Variants in BMAL1 observed in about 807,000 individuals in gnomAD.
BMAL1 encodes the protein basic helix-loop-helix ARNT-like protein 1.
the BMAL1 span, chr11:13,386,823 G>A: frequency 6.4e-7 from 1 of 1,561,492 alleles, no homozygotes; most frequent in African/African-American, 1.4e-5. Flanking sequence ...TTTACAGTCT[G>A]TGAAGCTTAC....
the BMAL1 span, among the ~76,000 whole-genome samples, chr11:13,317,656 T>C: frequency 3.3e-5 from 5 of 152,248 alleles, no homozygotes; most frequent in African/African-American, 1.2e-4. Flanking sequence ...TATAGCTAAA[T>C]AAATATAAAC....
the BMAL1 span, among the ~76,000 whole-genome samples, chr11:13,361,193 T>C: frequency 6.6e-6 from 1 of 152,124 alleles, no homozygotes; most frequent in African/African-American, 2.4e-5. Flanking sequence ...ACTTGAGTGC[T>C]CTCTCTGTCT....
chr11:13,311,331 C>T, the BMAL1 span, among the ~76,000 whole-genome samples: 7 of 151,954 alleles, frequency 4.6e-5, no homozygotes, highest in Admixed American at 6.6e-5. Flanking sequence ...AACTGTGGGA[C>T]GGGAAGACGA....
the BMAL1 span, chr11:13,376,679 G>C: frequency 6.2e-7 from 1 of 1,614,086 alleles, no homozygotes; most frequent in Non-Finnish European, 8.5e-7. Flanking sequence ...CCTTCCCACA[G>C]CTCACAGCAT....
the BMAL1 span, among the ~76,000 whole-genome samples, chr11:13,312,210 G>A: frequency 3.9e-5 from 6 of 152,184 alleles, no homozygotes; most frequent in Admixed American, 2.6e-4. Context: ...AATGACCTAT[G>A]TGGGGGGAAT....
At chr11:13,323,645 C>G in the BMAL1 span, among the ~76,000 whole-genome samples, 187 of 152,278 alleles carry the variant, frequency 1.2e-3, 2 homozygotes, top group African/African-American at 4.0e-3. Context: ...GAGACTGAGT[C>G]TTGCTTTGTC....
At chr11:13,372,036 TG>T in the BMAL1 span, 2 of 1,302,604 alleles carry the variant, frequency 1.5e-6, no homozygotes, top group Non-Finnish European at 2.1e-6. Context: ...TGCTTACTTC[TG>T]GAGAGTGAAG....
At chr11:13,381,050 C>A in the BMAL1 span, 1 of 1,078,444 alleles carries the variant, frequency 9.3e-7, no homozygotes, top group Non-Finnish European at 1.4e-6. Flanking sequence ...ACAGAAAAAG[C>A]TTGCCAAACC....
chr11:13,301,720 G>A, the BMAL1 span, among the ~76,000 whole-genome samples: 12 of 152,212 alleles, frequency 7.9e-5, no homozygotes, highest in Admixed American at 7.9e-4. Flanking sequence ...CATGCCTGTA[G>A]TAATGGTCAT....
At chr11:13,281,316 C>G in the BMAL1 span, among the ~76,000 whole-genome samples, 4 of 152,074 alleles carry the variant, frequency 2.6e-5, no homozygotes, top group African/African-American at 4.8e-5. Context: ...ACCCTGGGTT[C>G]GTAAGCCTCT....
chr11:13,297,530 G>A, the BMAL1 span, among the ~76,000 whole-genome samples: 3 of 152,262 alleles, frequency 2.0e-5, no homozygotes, highest in Non-Finnish European at 4.4e-5. Context: ...GTGCCAGCTT[G>A]AGGGCTGCTG....
the BMAL1 span, chr11:13,385,802 T>A: frequency 6.3e-7 from 1 of 1,591,786 alleles, no homozygotes; most frequent in Non-Finnish European, 8.6e-7. Flanking sequence ...GTAAGTGGCA[T>A]CATTATTCGT....
chr11:13,373,423 G>T, the BMAL1 span, among the ~76,000 whole-genome samples: 1 of 152,292 alleles, frequency 6.6e-6, no homozygotes, highest in Non-Finnish European at 1.5e-5. Flanking sequence ...TCTGGCATTT[G>T]GTTGTCCTGA....
chr11:13,325,657 T>TTGTGTG, the BMAL1 span, among the ~76,000 whole-genome samples: 55,590 of 134,122 alleles, frequency 0.41, 12,969 homozygotes, highest in Non-Finnish European at 0.53. Flanking sequence ...TTGAGACCTT[T>TTGTGTG]TGTGTGTGTG....
the BMAL1 span, among the ~76,000 whole-genome samples, chr11:13,339,601 T>C: frequency 6.6e-6 from 1 of 152,108 alleles, no homozygotes; most frequent in Admixed American, 6.5e-5. Flanking sequence ...CTACCTTCCT[T>C]AGCTGTCTCC....
chr11:13,376,584 G>A, the BMAL1 span: 2 of 1,566,618 alleles, frequency 1.3e-6, no homozygotes, highest in Non-Finnish European at 1.8e-6. Flanking sequence ...AAGTTGAATG[G>A]TGCACAGTTC....
chr11:13,357,245 C>T, the BMAL1 span: 449 of 1,184,206 alleles, frequency 3.8e-4, 3 homozygotes, highest in African/African-American at 6.1e-3. This position sits in a 1 kb window ranked among gnomAD's most constrained non-coding sequence, Gnocchi z 4.8. Context: ...GGGCCTTGGC[C>T]GAGGTGGCCT....
chr11:13,294,598 T>C, the BMAL1 span, among the ~76,000 whole-genome samples: 1 of 152,234 alleles, frequency 6.6e-6, no homozygotes, highest in Admixed American at 6.5e-5. Flanking sequence ...AGATGATGCT[T>C]TCCTTCTGGA....
chr11:13,366,571 C>A, the BMAL1 span: 1 of 1,152,886 alleles, frequency 8.7e-7, no homozygotes, highest in Non-Finnish European at 1.3e-6. Flanking sequence ...CACAAAAACA[C>A]AAAGGCAACA....
Sources: allele counts gnomAD v4.1 joint callset (sites outside exome capture counted in the v4.1 genomes callset), GRCh38; gene constraint gnomAD v4.1.1; non-coding constraint Gnocchi (gnomAD v3.1); transcripts MANE v1.5; gene names NCBI Gene and HGNC (gene_info 2026-07-23, HGNC 2026-07-21).